The following GAB3 variants were observed in gnomAD, a reference collection of about 807,000 sequenced individuals.
GAB3 encodes GRB2-associated-binding protein 3.
In GAB3, 12 loss-of-function variants were observed where a neutral mutation model predicts 40.4. The ratio of observed to expected loss-of-function variants is 0.30; its 90% confidence interval spans 0.19 to 0.48. The LOEUF is 0.48. GAB3 is among the 20% of genes least tolerant of loss of function. The probability of loss-of-function intolerance (pLI) is 0.99; values close to 1 mark genes in which losing one functional copy is unlikely to be tolerated. For missense variants in GAB3, 381 were observed against 461.9 expected (o/e 0.82, Z 1.61); for synonymous variants, 154 against 176.7 (o/e 0.87, Z 1.02).
chrX:154,728,777 C>T (rs1449348806), intron 1 of GAB3, among the ~76,000 whole-genome samples: 3 of 112,328 alleles, frequency 2.7e-5, no homozygotes, highest in Non-Finnish European at 5.6e-5. Context: ...ATCTTGGTCC[C>T]TAAAGTACCT....
intron 4 of GAB3, among the ~76,000 whole-genome samples, chrX:154,710,856 T>C (rs1319974940): frequency 1.8e-5 from 2 of 112,718 alleles, no homozygotes; most frequent in African/African-American, 6.4e-5. Flanking sequence ...CAAGTTTTTG[T>C]TCTTCAATTT....
intron 1 of GAB3, among the ~76,000 whole-genome samples, chrX:154,725,625 A>G (rs1190076977): frequency 9.0e-6 from 1 of 110,875 alleles, no homozygotes; most frequent in African/African-American, 3.3e-5. Context: ...ATGTAGAGAA[A>G]GAGCTCTACA....
intron 4 of GAB3, among the ~76,000 whole-genome samples, chrX:154,709,523 T>C (rs1238249796): frequency 6.4e-5 from 7 of 109,212 alleles, no homozygotes; most frequent in Admixed American, 4.9e-4. Context: ...TTCCACCATA[T>C]TGGCCAGGCT....
At chrX:154,743,117 T>C (rs1307182589) in intron 1 of GAB3, among the ~76,000 whole-genome samples, 1 of 109,626 alleles carries the variant, frequency 9.1e-6, no homozygotes, top group Non-Finnish European at 1.9e-5. Flanking sequence ...CAGAATATAA[T>C]ATTGGATCAA....
intron 7 of GAB3, among the ~76,000 whole-genome samples, chrX:154,696,896 G>T (rs2070665908): frequency 8.9e-6 from 1 of 112,938 alleles, no homozygotes. Flanking sequence ...TGAAGCAGAA[G>T]TGAGTAGATT....
At chrX:154,741,221 G>A (rs923023739) in intron 1 of GAB3, among the ~76,000 whole-genome samples, 9 of 111,768 alleles carry the variant, frequency 8.1e-5, no homozygotes, top group Admixed American at 2.8e-4. Context: ...TGAAGCCTCC[G>A]CCGCCACGTG....
At chrX:154,748,023 T>C (rs782700863) in intron 1 of GAB3, among the ~76,000 whole-genome samples, 1 of 112,134 alleles carries the variant, frequency 8.9e-6, no homozygotes, top group East Asian at 2.8e-4. Flanking sequence ...GTTCTTAGTG[T>C]AGTGCCTGGC....
At chrX:154,706,144 A>C (rs900331901) in intron 4 of GAB3, among the ~76,000 whole-genome samples, 1 of 111,797 alleles carries the variant, frequency 8.9e-6, no homozygotes, top group Admixed American at 9.5e-5. Flanking sequence ...GGCCGGGCAC[A>C]GTGGCTCGCA....
In GAB3 at chrX:154,713,742, CATATATATATATATATATATATATAT is replaced by C. The variant is rs59885867; in HGVS notation, c.377-342_377-317del. 2.8e-3 allele frequency among the ~76,000 whole-genome samples: 55 copies of C among 19,658 alleles called. 1 individual carries two copies. In the South Asian group the frequency reaches 0.052, roughly 19 times the overall value. The allele number at this position is 19,658 out of a possible 115,157, so 17.1% of individuals were successfully genotyped here. On this transcript the variant is annotated intron_variant, in intron 2 of 9. Coordinates refer to ENST00000424127, the MANE Select transcript of GAB3 (RefSeq NM_001081573.3). ...ATTGTTTTTTCACTCAACTAACAAA[CATATATATATATATATATATATATAT>C]ATATATATATATATATATGCATAAC...
intron 1 of GAB3, among the ~76,000 whole-genome samples, chrX:154,733,714 G>A (rs138521463): frequency 0.034 from 3,799 of 111,801 alleles, 79 homozygotes; most frequent in Non-Finnish European, 0.05. Flanking sequence ...ATATTATTTC[G>A]TTTTCTTTAC....
At chrX:154,751,387 G>A (rs2071616996), upstream of GAB3, 1 of 275,051 alleles carries the variant, frequency 3.6e-6, no homozygotes, top group South Asian at 1.8e-4. Context: ...CCTAATGGGA[G>A]CACAGCCTGG....
chrX:154,748,680 G>A (rs1207301580), intron 1 of GAB3, among the ~76,000 whole-genome samples: 2 of 112,074 alleles, frequency 1.8e-5, no homozygotes, highest in Non-Finnish European at 3.8e-5. Flanking sequence ...CTGGCAGCAC[G>A]AATAACTGAG....
At chrX:154,713,758 T>TATAC (rs2070997443) in intron 2 of GAB3, among the ~76,000 whole-genome samples, 1 of 72,328 alleles carries the variant, frequency 1.4e-5, no homozygotes, top group Non-Finnish European at 2.7e-5. Flanking sequence ...TATATATATA[T>TATAC]ATATATATAT....
At chrX:154,709,396 C>T (rs1164170690) in intron 4 of GAB3, among the ~76,000 whole-genome samples, 1 of 106,714 alleles carries the variant, frequency 9.4e-6, no homozygotes, top group Non-Finnish European at 1.9e-5. Flanking sequence ...TCTTGGCTCA[C>T]TGCAAACTCT....
chrX:154,715,988 T>C (rs782478080), intron 2 of GAB3, 38 bp downstream of exon 2: 73 of 1,151,284 alleles, frequency 6.3e-5, no homozygotes, highest in Non-Finnish European at 2.1e-5. Flanking sequence ...AGTCCTGGGA[T>C]ACCCCTTAGC....
chrX:154,713,127 G>A (rs180836158), intron 3 of GAB3, 80 bp downstream of exon 3: 16 of 798,077 alleles, frequency 2.0e-5, no homozygotes, highest in South Asian at 1.7e-4. Context: ...TCTCAGCTAC[G>A]GACTGCAAGA....
chrX:154,737,547 C>A (rs1486517757), intron 1 of GAB3, among the ~76,000 whole-genome samples: 1 of 111,624 alleles, frequency 9.0e-6, no homozygotes, highest in African/African-American at 3.3e-5. Flanking sequence ...CCAGGTCCCT[C>A]CCCTCAGCTC....
chrX:154,694,606 G>T (rs964611983), intron 8 of GAB3, among the ~76,000 whole-genome samples: 65 of 111,030 alleles, frequency 5.9e-4, no homozygotes, highest in Non-Finnish European at 3.0e-4. Context: ...TGTTAGCCAG[G>T]ATGGTCTCGA....
intron 9 of GAB3, chrX:154,678,986 AT>A: frequency 3.9e-6 from 1 of 253,542 alleles, no homozygotes; most frequent in South Asian, 4.0e-5. Flanking sequence ...GATCAAGATC[AT>A]TTTTTATTAA....
Sources: allele counts gnomAD v4.1 joint callset (sites outside exome capture counted in the v4.1 genomes callset), GRCh38; gene constraint gnomAD v4.1.1; transcripts MANE v1.5; gene names NCBI Gene and HGNC (gene_info 2026-07-23, HGNC 2026-07-21).